Variants in WDR18 observed in about 807,000 individuals in gnomAD.
WDR18 encodes WD repeat domain 18.
A neutral mutation model predicts 49.6 loss-of-function variants in WDR18; 33 were observed. The observed-to-expected ratio is 0.67, with a 90% CI of 0.50 to 0.89. The LOEUF is 0.89. Among genes scored for constraint, WDR18 ranks in the 40% least tolerant of loss-of-function variants. The probability of loss-of-function intolerance (pLI) is 0.00; values close to 1 mark genes in which losing one functional copy is unlikely to be tolerated. For synonymous variants in WDR18, 315 were observed against 263.6 expected, an observed-to-expected ratio of 1.19 and a Z score of -1.89; for missense variants, 653 against 593.6, an observed-to-expected ratio of 1.10 and a Z score of -1.04.
chr19:987,262 G>C (rs149111276), intron 2 of WDR18, among the ~76,000 whole-genome samples: 107 of 152,252 alleles, frequency 7.0e-4, no homozygotes, highest in African/African-American at 2.5e-3. Flanking sequence ...AGAATCACTT[G>C]AATCCGAGAG....
At chr19:987,022 G>A (rs1215223066) in intron 2 of WDR18, among the ~76,000 whole-genome samples, 1 of 152,168 alleles carries the variant, frequency 6.6e-6, no homozygotes, top group African/African-American at 2.4e-5. Flanking sequence ...AGGGCTGGGT[G>A]GGCATGAGCA....
At position 991,134 on chromosome 19, in the gene WDR18, C is replaced by T. The variant is rs941186602; in HGVS notation, c.795C>T (p.Phe265=). 35 of 1,575,276 alleles carry T rather than the reference C, an allele frequency of 2.2e-5. No homozygotes were observed. The East Asian group carries it at 7.1e-4, about 32-fold the overall frequency. ...FHPEQDAGKV[F]KGHRNQVTCL... ...CAGAGCAGGACGCCGGGAAGGTCTT[C>T]AAAGGGCACAGGTGGGGACGTGGGA... Residue 265 remains phenylalanine, a synonymous_variant, in exon 6 of 10, where the codon TTC becomes TTT. Transcript: ENST00000585809.
chr19:984,444 C>G lies in WDR18; in HGVS notation c.91C>G (p.Leu31Val), dbSNP rs753803817. 1.9e-6 allele frequency: 3 copies of G among 1,599,456 alleles called. No homozygotes were observed. Among genetic ancestry groups the G allele is most frequent in the South Asian group, 1.1e-5 (1 of 88,610 alleles). Residue 31 changes from leucine (L) to valine (V), a missense_variant, in exon 1 of 10, where the codon CTG becomes GTG. Physicochemically the swap from Leu to Val is conservative, Grantham distance 32 (BLOSUM62 1). Coordinates refer to ENST00000585809, the MANE Select transcript of WDR18 (RefSeq NM_024100.4). ...IVWELHSGAN[L>V]LTYRGGQAGP... ...GTGGGAACTTCACTCGGGCGCCAACCTGCTCACCTACCGCGGCGGCCAGGC... is the reference window on the plus strand; with the variant it reads ...GTGGGAACTTCACTCGGGCGCCAACGTGCTCACCTACCGCGGCGGCCAGGC...
Position 991,120 on chromosome 19 carries a change from G to C in WDR18, c.781G>C (p.Ala261Pro). The C allele has an allele frequency of 6.3e-7, 1 of 1,584,356 alleles. No individual in the cohort carries two copies. The highest frequency in any genetic ancestry group is 8.6e-7 in the Non-Finnish European group (1 of 1,165,336). The stretch of plus-strand genomic sequence containing the variant: ...GAGGAGCTTCCACCCAGAGCAGGAC[G>C]CCGGGAAGGTCTTCAAAGGGCACAG... ...RERSFHPEQDAGKVFKGHRNQ... is the reference protein window; with the variant it reads ...RERSFHPEQDPGKVFKGHRNQ... The change falls in exon 6 of 10, where the codon GCC becomes CCC. Residue 261 changes from alanine (A) to proline (P), a missense_variant. By Grantham distance (27) the Ala-to-Pro change is conservative. Transcript: ENST00000585809.
In WDR18 at chr19:994,023, T is replaced by C; in HGVS notation, c.1102T>C (p.Ser368Pro). ...CACGTGGCTCCCTGTGTTACAGGGC[T>C]CGGAGCCCAGCTACCTGGACCGCAC... The part of the protein sequence containing the change: ...TLRLGLHQQG[S>P]EPSYLDRTEQ... Residue 368 changes from serine to proline, a missense_variant, in exon 9 of 10, where the codon TCG becomes CCG. Ser to Pro is a moderately conservative substitution (Grantham distance 74). Coordinates refer to ENST00000585809, the MANE Select transcript of WDR18 (RefSeq NM_024100.4). 6.4e-7 allele frequency: 1 copy of C among 1,554,268 alleles called. No homozygotes were observed. Among genetic ancestry groups the C allele is most frequent in the South Asian group, 1.2e-5 (1 of 84,388 alleles).
At chr19:985,082 C>T (rs545790870) in intron 1 of WDR18, among the ~76,000 whole-genome samples, 1 of 152,298 alleles carries the variant, frequency 6.6e-6, no homozygotes, top group South Asian at 2.1e-4. Context: ...CTCGCTTCCC[C>T]CGTGTGCCCG....
At chr19:988,188 G>A (rs2038496901) in intron 2 of WDR18, among the ~76,000 whole-genome samples, 1 of 152,054 alleles carries the variant, frequency 6.6e-6, no homozygotes, top group Non-Finnish European at 1.5e-5. Context: ...CACATAGCCA[G>A]AGCTCAGGCC....
At chr19:990,809 TC>T in intron 4 of WDR18, 42 bp from the exon 5 acceptor site, 12 of 1,555,390 alleles carry the variant, frequency 7.7e-6, no homozygotes, top group Non-Finnish European at 1.0e-5. Context: ...GTCCTCGGGT[TC>T]CCCCTGCCGG....
At chr19:983,875 A>G (rs73492696), upstream of WDR18, among the ~76,000 whole-genome samples, 6,855 of 152,036 alleles carry the variant, frequency 0.045, 382 homozygotes, top group African/African-American at 0.12. Context: ...CCCTGGCTCT[A>G]CAAAACTAAA....
chr19:987,829 G>GTTT (rs71174337), intron 2 of WDR18, among the ~76,000 whole-genome samples: 7,884 of 91,238 alleles, frequency 0.086, 990 homozygotes, highest in South Asian at 0.18. Context: ...GCCGCCTCCA[G>GTTT]TTTTTTTTTT....
intron 7 of WDR18, 85 bp from the exon 8 acceptor site, chr19:991,870 A>G (rs956231603): frequency 2.6e-5 from 32 of 1,241,738 alleles, no homozygotes; most frequent in Non-Finnish European, 2.9e-5. Context: ...GGGGGCGGGG[A>G]CTGCCCTGGA....
In WDR18 at chr19:984,385, C is replaced by T. The variant is rs1250631352; in HGVS notation, c.32C>T (p.Thr11Met). 2 of 1,599,040 alleles carry T rather than the reference C, an allele frequency of 1.3e-6. No individual in the cohort carries two copies. The highest frequency in any genetic ancestry group is 2.7e-5 in the African/African-American group (2 of 73,094). The change falls in exon 1 of 10, where the codon ACG becomes ATG. Residue 11 changes from threonine to methionine, a missense_variant. Thr to Met is a moderately conservative substitution (Grantham distance 81). Transcript: ENST00000585809. ...GCGCCCATGGAGGTGGCCGTGTGTA[C>T]GGACTCGGCGGCCCCGATGTGGAGC... MAAPMEVAVC[T>M]DSAAPMWSCI...
upstream of WDR18, among the ~76,000 whole-genome samples, chr19:983,185 G>A (rs1174903653): frequency 2.6e-5 from 4 of 152,334 alleles, no homozygotes; most frequent in South Asian, 8.3e-4. Flanking sequence ...GCTGAAGCCT[G>A]TAATCCCAGC....
intron 2 of WDR18, among the ~76,000 whole-genome samples, chr19:988,907 G>A (rs1302320961): frequency 2.0e-5 from 3 of 152,042 alleles, no homozygotes; most frequent in Non-Finnish European, 4.4e-5. Flanking sequence ...GAGACACTGC[G>A]TCTAAATGAG....
intron 2 of WDR18, among the ~76,000 whole-genome samples, chr19:988,461 G>A (rs1035976487): frequency 2.0e-5 from 3 of 152,200 alleles, no homozygotes; most frequent in African/African-American, 4.8e-5. Context: ...GGGCTGACCT[G>A]GATCCTGCTT....
At chr19:989,616 A>G in intron 2 of WDR18, 146 bp from the exon 3 acceptor site, 1 of 1,210,994 alleles carries the variant, frequency 8.3e-7, no homozygotes, top group Non-Finnish European at 1.1e-6. Flanking sequence ...CTGCCCTGAC[A>G]GGGTCACCCC....
At chr19:988,467 T>G (rs1250099841) in intron 2 of WDR18, among the ~76,000 whole-genome samples, 1 of 152,200 alleles carries the variant, frequency 6.6e-6, no homozygotes, top group Admixed American at 6.5e-5. Context: ...ACCTGGATCC[T>G]GCTTCCTCTG....
intron 1 of WDR18, among the ~76,000 whole-genome samples, chr19:984,800 G>A (rs918247859): frequency 1.3e-5 from 2 of 152,060 alleles, no homozygotes; most frequent in Non-Finnish European, 2.9e-5. Flanking sequence ...GGGGCAGTGG[G>A]GGAAAATGGG....
intron 8 of WDR18, 109 bp from the exon 9 acceptor site, chr19:993,908 CGGT>C (rs1363814945): frequency 4.2e-6 from 5 of 1,200,688 alleles, no homozygotes; most frequent in South Asian, 3.9e-5. Flanking sequence ...GTGGGCGTCA[CGGT>C]GGCCCCTCCC....
Sources: gnomAD v4.1 joint callset for allele counts (sites outside exome capture counted in the v4.1 genomes callset) on GRCh38, gnomAD v4.1.1 for gene constraint, MANE v1.5 for transcripts, NCBI Gene and HGNC (gene_info 2026-07-23, HGNC 2026-07-21) for gene names.